DAB1: variants seen among roughly 807,000 people sequenced by gnomAD.
The protein encoded by DAB1 is disabled homolog 1.
Under a neutral mutation model 64.6 loss-of-function variants are expected in DAB1, and 15 were observed. The observed-to-expected ratio is 0.23, with a 90% CI of 0.16 to 0.36. DAB1 has a LOEUF of 0.36. Ranked by LOEUF, DAB1 falls within the 10% of genes least tolerant of loss-of-function variation. The probability of loss-of-function intolerance (pLI) is 1.00; values close to 1 mark genes in which losing one functional copy is unlikely to be tolerated. For missense variants in DAB1, 596 were observed against 706.7 expected (o/e 0.84, Z 1.78); for synonymous variants, 235 against 251.9 (o/e 0.93, Z 0.64).
intron 4 of DAB1, among the ~76,000 whole-genome samples, chr1:58,175,979 T>C (rs935507276): frequency 2.0e-5 from 3 of 152,250 alleles, no homozygotes; most frequent in Non-Finnish European, 4.4e-5. Context: ...TGTGAAATGA[T>C]GGAAGATCTA....
At chr1:58,160,806 T>A (rs1333190069) in intron 4 of DAB1, among the ~76,000 whole-genome samples, 2 of 152,192 alleles carry the variant, frequency 1.3e-5, no homozygotes, top group Non-Finnish European at 2.9e-5. Flanking sequence ...GTGTTTGGAA[T>A]ACTGGGCCCC....
chr1:57,418,493 G>A (rs1020004582), intron 1 of DAB1, among the ~76,000 whole-genome samples: 3 of 152,182 alleles, frequency 2.0e-5, no homozygotes, highest in African/African-American at 4.8e-5. Context: ...GATGCATGGG[G>A]TTGGTAATTT....
intron 9 of DAB1, among the ~76,000 whole-genome samples, chr1:57,057,900 G>C (rs61765264): frequency 6.6e-6 from 1 of 152,104 alleles, no homozygotes; most frequent in Non-Finnish European, 1.5e-5. Context: ...GAGCCACCGC[G>C]CCCGGCCTAC....
chr1:57,338,919 GC>G (rs888910403), intron 1 of DAB1, among the ~76,000 whole-genome samples: 12 of 152,234 alleles, frequency 7.9e-5, no homozygotes, highest in African/African-American at 2.4e-4. Flanking sequence ...ATATTTAGAA[GC>G]TATAAGTCCG....
intron 14 of DAB1, among the ~76,000 whole-genome samples, chr1:57,000,436 T>C (rs1645816084): frequency 6.6e-6 from 1 of 152,178 alleles, no homozygotes; most frequent in Non-Finnish European, 1.5e-5. Context: ...TGTTTCTAGT[T>C]TCCTCACAGT....
intron 2 of DAB1, among the ~76,000 whole-genome samples, chr1:57,272,077 G>C (rs1191951269): frequency 6.6e-6 from 1 of 152,210 alleles, no homozygotes; most frequent in Non-Finnish European, 1.5e-5. Flanking sequence ...TAACTCTGGA[G>C]AGACTCCTGA....
chr1:58,132,183 G>T (rs897197806), intron 5 of DAB1, among the ~76,000 whole-genome samples: 1 of 152,196 alleles, frequency 6.6e-6, no homozygotes, highest in African/African-American at 2.4e-5. Flanking sequence ...TAAGCCCGTC[G>T]GAAAAGCGCA....
At position 57,014,801 on chromosome 1, in the gene DAB1, G is replaced by A. The variant is rs915649373; in HGVS notation, c.1444+82C>T. On this transcript the variant is annotated intron_variant, in intron 12 of 14. Transcript: ENST00000371236. The stretch of plus-strand genomic sequence containing the variant: ...AGCCTGATTAATGCAAGTGAGATGA[G>A]TTATTTGACTCCAGAAACCCCGCCT... 11 of 1,168,542 alleles carry A rather than the reference G, an allele frequency of 9.4e-6. No homozygotes were observed. In the East Asian group the frequency reaches 1.7e-4, roughly 18 times the overall value. The allele number at this position is 1,168,542 out of a possible 1,614,324, so 72.4% of individuals were successfully genotyped here.
At chr1:58,334,030 A>T (rs556539095) in intron 4 of DAB1, among the ~76,000 whole-genome samples, 29 of 152,264 alleles carry the variant, frequency 1.9e-4, no homozygotes, top group African/African-American at 7.0e-4. Context: ...TAATAAGATC[A>T]TATCTTCTCA....
chr1:58,410,182 C>G (rs747741628), intron 3 of DAB1, among the ~76,000 whole-genome samples: 12 of 152,212 alleles, frequency 7.9e-5, no homozygotes, highest in Non-Finnish European at 1.5e-4. Flanking sequence ...GCCCACCCAG[C>G]CCCATGAAGG....
chr1:57,928,505 C>T (rs966995104), intron 5 of DAB1, among the ~76,000 whole-genome samples: 1 of 152,132 alleles, frequency 6.6e-6, no homozygotes, highest in African/African-American at 2.4e-5. Flanking sequence ...TGGTGCTGCA[C>T]ATTTATGGGT....
At chr1:58,532,791 G>A (rs538513608) in intron 1 of DAB1, among the ~76,000 whole-genome samples, 10 of 152,310 alleles carry the variant, frequency 6.6e-5, no homozygotes, top group African/African-American at 1.4e-4. Context: ...CTCTCAAAGT[G>A]CTGGGATTAC....
intron 7 of DAB1, among the ~76,000 whole-genome samples, chr1:57,564,587 A>G (rs1021237340): frequency 1.3e-5 from 2 of 152,204 alleles, no homozygotes; most frequent in African/African-American, 4.8e-5. Flanking sequence ...GAAGTCCTTA[A>G]ATGACCTGAC....
chr1:57,677,249 T>C, intron 6 of DAB1, among the ~76,000 whole-genome samples: 1 of 152,186 alleles, frequency 6.6e-6, no homozygotes, highest in South Asian at 2.1e-4. Context: ...AAAAATAAAA[T>C]GGCTGTCTTA....
At chr1:57,496,701 G>A (rs1341318) in intron 7 of DAB1, among the ~76,000 whole-genome samples, 85,104 of 151,990 alleles carry the variant, frequency 0.56, 26,749 homozygotes, top group East Asian at 0.72. Flanking sequence ...TTTAGATCTC[G>A]AAAGAACATT....
At chr1:57,654,634 G>T (rs1316785439) in intron 6 of DAB1, among the ~76,000 whole-genome samples, 1 of 152,066 alleles carries the variant, frequency 6.6e-6, no homozygotes, top group African/African-American at 2.4e-5. Flanking sequence ...TTAATGTAAT[G>T]AAATATATTT....
chr1:58,009,217 A>G (rs550904484), intron 5 of DAB1, among the ~76,000 whole-genome samples: 1 of 152,210 alleles, frequency 6.6e-6, no homozygotes, highest in African/African-American at 2.4e-5. Flanking sequence ...GTCCAGGATC[A>G]TATTCCTAGA....
chr1:57,490,653 G>T, intron 7 of DAB1, among the ~76,000 whole-genome samples: 1 of 152,160 alleles, frequency 6.6e-6, no homozygotes, highest in East Asian at 1.9e-4. Flanking sequence ...AATGACTACA[G>T]AACTCACAAA....
chr1:58,220,450 G>A (rs968719171), intron 4 of DAB1, among the ~76,000 whole-genome samples: 1 of 152,134 alleles, frequency 6.6e-6, no homozygotes, highest in Non-Finnish European at 1.5e-5. Context: ...TGTCACTCCA[G>A]GAAACCAAAG....
Sources: allele counts gnomAD v4.1 joint callset (sites outside exome capture counted in the v4.1 genomes callset), GRCh38; gene constraint gnomAD v4.1.1; transcripts MANE v1.5; gene names NCBI Gene and HGNC (gene_info 2026-07-23, HGNC 2026-07-21).